Variants in ZPLD1 observed in about 807,000 individuals in gnomAD.
The protein encoded by ZPLD1 is zona pellucida-like domain-containing protein 1.
A neutral mutation model predicts 47.2 loss-of-function variants in ZPLD1; 34 were observed. The ratio of observed to expected loss-of-function variants is 0.72; its 90% CI spans 0.55 to 0.96. The LOEUF is 0.96. Among genes scored for constraint, ZPLD1 ranks in the 40% least tolerant of loss-of-function variants. The pLI, the probability that ZPLD1 is intolerant of heterozygous loss-of-function variation, is 0.00. For synonymous variants in ZPLD1, 176 were observed against 186.2 expected, an observed-to-expected ratio of 0.95 and a Z score of 0.45; for missense variants, 512 against 505.8, an observed-to-expected ratio of 1.01 and a Z score of -0.12.
chr3:102,466,504 T>C (rs1197314779), intron 8 of ZPLD1, among the ~76,000 whole-genome samples: 1 of 152,208 alleles, frequency 6.6e-6, no homozygotes, highest in Admixed American at 6.5e-5. Flanking sequence ...ATATAATATA[T>C]ACATTCCCAC....
upstream of ZPLD1, among the ~76,000 whole-genome samples, chr3:102,431,635 A>G (rs546711158): frequency 2.7e-4 from 41 of 152,320 alleles, no homozygotes; most frequent in African/African-American, 9.4e-4. Context: ...AGGGCCGGGC[A>G]TGATGGCTCA....
At chr3:102,388,238 T>G (rs1224938701) in intron 6 of ZPLD1, among the ~76,000 whole-genome samples, 1 of 152,164 alleles carries the variant, frequency 6.6e-6, no homozygotes, top group Non-Finnish European at 1.5e-5. Flanking sequence ...TCATCCGAAC[T>G]ACTGTAGGTT....
exon 6 of ZPLD1, chr3:102,385,146 A>C (rs1339190779): frequency 1.3e-5 from 2 of 152,224 alleles, no homozygotes; most frequent in Non-Finnish European, 2.9e-5. Flanking sequence ...TTCGGGACTC[A>C]GTAACTCCAT....
intron 8 of ZPLD1, among the ~76,000 whole-genome samples, chr3:102,467,762 A>C (rs1038328116): frequency 2.0e-5 from 3 of 151,960 alleles, no homozygotes; most frequent in Non-Finnish European, 4.4e-5. Context: ...TGGAGTAAGG[A>C]AACTGGCTTC....
intron 7 of ZPLD1, among the ~76,000 whole-genome samples, chr3:102,412,250 T>C (rs1706754257): frequency 1.3e-5 from 2 of 151,806 alleles, no homozygotes; most frequent in Non-Finnish European, 2.9e-5. Flanking sequence ...CAGCTGGGCA[T>C]TATAGCCTAG....
chr3:102,451,844 G>T (rs1489191645), intron 3 of ZPLD1, among the ~76,000 whole-genome samples: 3 of 152,012 alleles, frequency 2.0e-5, no homozygotes, highest in Non-Finnish European at 4.4e-5. Context: ...CAGTCATATT[G>T]AATTACAGGT....
At chr3:102,450,147 T>C (rs1477889971) in intron 3 of ZPLD1, among the ~76,000 whole-genome samples, 1 of 152,138 alleles carries the variant, frequency 6.6e-6, no homozygotes, top group Non-Finnish European at 1.5e-5. Context: ...AGGAGTTACT[T>C]AGGCAAAGCT....
rs569965609 is a variant in ZPLD1 at position 102,443,107 on chromosome 3, C to T, written c.106+4514C>T. Among the ~76,000 whole-genome samples, 3 of 152,200 alleles carry T rather than the reference C, an allele frequency of 2.0e-5. No homozygotes were observed. In the East Asian group the frequency reaches 5.8e-4, roughly 29 times the overall value. ...ATGAGGATTAGGCTAAACTTTCTGG[C>T]CTCTAAAGAAATCTTTAATGATAAA... is the stretch of plus-strand genomic sequence containing the variant. On this transcript the variant is annotated intron_variant, in intron 3 of 11. Coordinates refer to ENST00000466937, the MANE Select transcript of ZPLD1 (RefSeq NM_001329788.2).
At chr3:102,399,005 A>G (rs1208251989) in intron 7 of ZPLD1, among the ~76,000 whole-genome samples, 2 of 152,194 alleles carry the variant, frequency 1.3e-5, no homozygotes, top group African/African-American at 4.8e-5. Context: ...TAACAACGCT[A>G]GTACATTAGT....
At chr3:102,432,494 A>G (rs1311382352), upstream of ZPLD1, among the ~76,000 whole-genome samples, 1 of 152,248 alleles carries the variant, frequency 6.6e-6, no homozygotes, top group African/African-American at 2.4e-5. Flanking sequence ...TCCAACTATA[A>G]CAACAGATCA....
At chr3:102,396,347 G>A (rs750433438) in intron 7 of ZPLD1, among the ~76,000 whole-genome samples, 4 of 152,020 alleles carry the variant, frequency 2.6e-5, no homozygotes, top group Non-Finnish European at 4.4e-5. Flanking sequence ...GTGACAATTG[G>A]GTATTCATAT....
At chr3:102,460,581 T>C (rs765913379) in intron 6 of ZPLD1, among the ~76,000 whole-genome samples, 1 of 151,966 alleles carries the variant, frequency 6.6e-6, no homozygotes, top group Non-Finnish European at 1.5e-5. Flanking sequence ...CAGCAAATAT[T>C]AAATAAGGTT....
chr3:102,436,081 A>C (rs1441087380), intron 1 of ZPLD1, among the ~76,000 whole-genome samples: 1 of 152,238 alleles, frequency 6.6e-6, no homozygotes. Context: ...TCATTAAAAA[A>C]TGGTTAGGGT....
At chr3:102,467,848 C>CACACAA (rs1421786354) in intron 8 of ZPLD1, among the ~76,000 whole-genome samples, 1 of 151,036 alleles carries the variant, frequency 6.6e-6, no homozygotes, top group East Asian at 1.9e-4. Context: ...CACACACACA[C>CACACAA]ACACACACAC....
chr3:102,424,131 G>A (rs989458977), intron 8 of ZPLD1, among the ~76,000 whole-genome samples: 4 of 152,122 alleles, frequency 2.6e-5, no homozygotes, highest in Non-Finnish European at 2.9e-5. Context: ...GAAAGGAAAC[G>A]ATGGCTCAGT....
intron 7 of ZPLD1, among the ~76,000 whole-genome samples, chr3:102,463,918 C>T (rs967875208): frequency 6.1e-5 from 9 of 148,624 alleles, no homozygotes; most frequent in Non-Finnish European, 1.0e-4. Context: ...GGCTTGGTGG[C>T]GGGCGCCTGT....
intron 3 of ZPLD1, among the ~76,000 whole-genome samples, chr3:102,444,144 T>C (rs1205962293): frequency 6.6e-6 from 1 of 152,232 alleles, no homozygotes; most frequent in African/African-American, 2.4e-5. Flanking sequence ...TTTTTGTTTT[T>C]ATAAATAAAA....
chr3:102,437,781 A>G (rs977601964), intron 2 of ZPLD1, among the ~76,000 whole-genome samples: 2 of 152,198 alleles, frequency 1.3e-5, no homozygotes, highest in African/African-American at 2.4e-5. Context: ...ACTTTATCCT[A>G]AGAATTCAAC....
At chr3:102,399,138 G>A (rs1706590769) in intron 7 of ZPLD1, among the ~76,000 whole-genome samples, 1 of 152,132 alleles carries the variant, frequency 6.6e-6, no homozygotes, top group Non-Finnish European at 1.5e-5. Context: ...TGCGTGGACT[G>A]CTGCAATGGC....
Sources: gnomAD v4.1 joint callset for allele counts (sites outside exome capture counted in the v4.1 genomes callset) on GRCh38, gnomAD v4.1.1 for gene constraint, MANE v1.5 for transcripts, NCBI Gene and HGNC (gene_info 2026-07-23, HGNC 2026-07-21) for gene names.